KCNQ2: variants seen among roughly 807,000 people sequenced by gnomAD.
KCNQ2 encodes potassium voltage-gated channel subfamily Q member 2.
KCNQ2 carries 14 observed loss-of-function variants against 84.8 expected under a neutral mutation model. The observed-to-expected ratio is 0.17, with a 90% confidence interval of 0.11 to 0.26. The LOEUF is 0.26. Among genes scored for constraint, KCNQ2 ranks in the 10% least tolerant of loss-of-function variants. The pLI is 1.00. For synonymous variants in KCNQ2, 599 were observed against 554.1 expected (o/e 1.08, Z -1.14); for missense variants, 788 against 1,254.0 (o/e 0.63, Z 5.61).
rs935825661 is a variant in KCNQ2 at position 63,404,257 on chromosome 20, G to C, written c.*2387C>G. Reference sequence around the variant, plus strand: ...GCAGGCGGGGCCTCACCTCGGGGGAGGAAAGAGCAGGTGGGGCCATACTGG... The same window carrying C: ...GCAGGCGGGGCCTCACCTCGGGGGACGAAAGAGCAGGTGGGGCCATACTGG... On this transcript the variant is annotated 3_prime_UTR_variant, in exon 17 of 17. Transcript: ENST00000359125. 6.6e-6 allele frequency: 1 copy of C among 152,310 alleles called. No homozygotes were observed. The highest frequency in any genetic ancestry group is 1.5e-5 in the Non-Finnish European group (1 of 68,264). 9.4% of individuals were successfully genotyped at this position (152,310 alleles called of 1,614,324 possible).
chr20:63,419,565 G>A, intron 12 of KCNQ2, 54 bp downstream of exon 12: 1 of 1,546,820 alleles, frequency 6.5e-7, no homozygotes. Context: ...TAAGCAGGGA[G>A]GGGCAGAGGA....
intron 1 of KCNQ2, among the ~76,000 whole-genome samples, chr20:63,469,674 T>A (rs972657243): frequency 6.6e-6 from 1 of 152,200 alleles, no homozygotes; most frequent in African/African-American, 2.4e-5. Context: ...CACAGCTGGG[T>A]GCGGCAGCAC....
intron 5 of KCNQ2, among the ~76,000 whole-genome samples, chr20:63,441,350 G>A (rs1284134871): frequency 6.6e-6 from 1 of 151,892 alleles, no homozygotes; most frequent in Non-Finnish European, 1.5e-5. Flanking sequence ...AGACTAATCA[G>A]GTAAACCCCA....
chr20:63,415,921 A>G (rs1472668160), intron 12 of KCNQ2, among the ~76,000 whole-genome samples: 1 of 151,988 alleles, frequency 6.6e-6, no homozygotes, highest in Admixed American at 6.5e-5. Context: ...GCCAGGGGAC[A>G]ACAAGGACAT....
chr20:63,469,681 G>A (rs1451730934), intron 1 of KCNQ2, among the ~76,000 whole-genome samples: 2 of 152,260 alleles, frequency 1.3e-5, no homozygotes, highest in African/African-American at 4.8e-5. Context: ...GGGTGCGGCA[G>A]CACAAGGAGC....
rs1400191060 is a variant in KCNQ2 at position 63,402,178 on chromosome 20, T to G, written c.*4466A>C. The G allele has an allele frequency of 1.8e-5, 3 of 169,770 alleles. No individual in the cohort carries two copies. The highest frequency in any genetic ancestry group is 7.4e-5 in the African/African-American group (3 of 40,812). 10.5% of individuals were successfully genotyped at this position (169,770 alleles called of 1,614,324 possible). A position where few individuals can be genotyped will look rare whatever the true frequency, so the allele number is the denominator to read the frequency against. ...TGAGCCGTTCCTCTCACACCACGTC[T>G]GCTGGGCACCCTCCACAGCAGGTCC... On this transcript the variant is annotated 3_prime_UTR_variant, in exon 17 of 17. Transcript: ENST00000359125.
chr20:63,454,574 A>C (rs1310408868), intron 1 of KCNQ2, among the ~76,000 whole-genome samples: 1 of 152,238 alleles, frequency 6.6e-6, no homozygotes, highest in Non-Finnish European at 1.5e-5. Flanking sequence ...CTGGCCAGCC[A>C]TCCGGTCGGC....
rs2079919343 is a variant in KCNQ2 at position 63,405,954 on chromosome 20, C to G, written c.*690G>C. On this transcript the variant is annotated 3_prime_UTR_variant, in exon 17 of 17. Coordinates refer to ENST00000359125, the MANE Select transcript of KCNQ2 (RefSeq NM_172107.4). ...TCCACTCTGGCTCCAGTTTGGTTCC[C>G]AGGCCCCACCCGCTCCTCGGCTGCA... The G allele has an allele frequency of 3.9e-5, 6 of 152,446 alleles. No homozygotes were observed. In the South Asian group the frequency reaches 1.2e-3, roughly 32 times the overall value. 9.4% of individuals were successfully genotyped at this position (152,446 alleles called of 1,614,324 possible).
intron 11 of KCNQ2, 190 bp downstream of exon 11, chr20:63,423,987 G>C: frequency 1.5e-6 from 1 of 649,180 alleles, no homozygotes; most frequent in Non-Finnish European, 2.8e-6. Context: ...TGGGGAGGGG[G>C]TGAGCAGGAA....
chr20:63,442,372 A>C (rs969550442), intron 5 of KCNQ2, 34 bp downstream of exon 5: 2 of 1,613,646 alleles, frequency 1.2e-6, no homozygotes. Flanking sequence ...GTGTATCAGC[A>C]GGGAAAGGGA....
At chr20:63,451,798 A>C (rs940748252) in intron 1 of KCNQ2, among the ~76,000 whole-genome samples, 1 of 151,956 alleles carries the variant, frequency 6.6e-6, no homozygotes, top group African/African-American at 2.4e-5. Flanking sequence ...GGAGACCCCC[A>C]AGTCCAGGCA....
At position 63,414,825 on chromosome 20, in the gene KCNQ2, A is replaced by T. The variant is rs2080233305; in HGVS notation, c.1525+78T>A. 8 of 1,435,406 alleles carry T rather than the reference A, an allele frequency of 5.6e-6. No individual in the cohort carries two copies. The highest frequency in any genetic ancestry group is 7.8e-6 in the Non-Finnish European group (8 of 1,022,174). 88.9% of individuals were successfully genotyped at this position (1,435,406 alleles called of 1,614,324 possible). ...AGCAAGCAAAAGCAGCTGCGACGCC[A>T]CAGGGTGGCCACAGTAGCGTGGCCA... On this transcript the variant is annotated intron_variant, in intron 13 of 16. Coordinates refer to ENST00000359125, the MANE Select transcript of KCNQ2 (RefSeq NM_172107.4). This position sits in a 1 kb window ranked among gnomAD's most constrained non-coding sequence, Gnocchi z 6.6.
intron 4 of KCNQ2, among the ~76,000 whole-genome samples, chr20:63,443,424 TCATCACCATCAC>T (rs1346469719): frequency 1.1e-4 from 4 of 36,620 alleles, no homozygotes; most frequent in Admixed American, 4.9e-4. Flanking sequence ...ATCACCACCA[TCATCACCATCAC>T]CATCACCACC....
At position 63,428,152 on chromosome 20, in the gene KCNQ2, G is replaced by A. The variant is rs6062931; in HGVS notation, c.1217+215C>T. ...AACCTTCGCCCCTCCCTCTCTGCCC[G>A]TCCCCCGAACCAGCTGCCCCTCTGG... On this transcript the variant is annotated intron_variant, in intron 10 of 16. Transcript: ENST00000359125. Among the ~76,000 whole-genome samples the A allele has an allele frequency of 0.21, 32,271 of 152,006 alleles. 4,131 individuals are homozygous for A. Among genetic ancestry groups the A allele is most frequent in the Non-Finnish European group, 0.3 (20,376 of 67,906 alleles).
chr20:63,406,872 C>T lies in KCNQ2; in HGVS notation c.2391G>A (p.Glu797=). The change falls in exon 17 of 17, where the codon GAG becomes GAA. Residue 797 remains glutamate, a synonymous_variant. Transcript: ENST00000359125. ...SISIPSVDHE[E]LERSFSGFSI... is the part of the protein sequence containing the mutation. ...TGAAGCCGCTGAAGGAACGCTCCAG[C>T]TCCTCGTGGTCCACGGACGGGATGG... 6.2e-7 allele frequency: 1 copy of T among 1,612,252 alleles called. No homozygotes were observed. Among genetic ancestry groups the T allele is most frequent in the Non-Finnish European group, 8.5e-7 (1 of 1,179,758 alleles).
Position 63,404,129 on chromosome 20 carries a change from G to C in KCNQ2, c.*2515C>G, listed in dbSNP as rs569962817. On this transcript the variant is annotated 3_prime_UTR_variant, in exon 17 of 17. Coordinates refer to ENST00000359125, the MANE Select transcript of KCNQ2 (RefSeq NM_172107.4). Reference sequence around the variant, plus strand: ...CTGGCCTCAGTCCCTCCTGCTGGGCGGCCAGCTTCTGGGAGGGAAGGGATT... The same window carrying C: ...CTGGCCTCAGTCCCTCCTGCTGGGCCGCCAGCTTCTGGGAGGGAAGGGATT... The C allele has an allele frequency of 6.6e-6, 1 of 152,314 alleles. No homozygotes were observed. Among genetic ancestry groups the C allele is most frequent in the African/African-American group, 2.4e-5 (1 of 41,450 alleles). The allele number at this position is 152,314 out of a possible 1,614,324, so 9.4% of individuals were successfully genotyped here.
Position 63,438,267 on chromosome 20 carries a change from GCACTGACT to G in KCNQ2, c.1023+350_1023+357del. On this transcript the variant is annotated intron_variant, in intron 7 of 16. Coordinates refer to ENST00000359125, the MANE Select transcript of KCNQ2 (RefSeq NM_172107.4). This position sits in a 1 kb window ranked among gnomAD's most constrained non-coding sequence, Gnocchi z 5.1. Reference sequence around the variant, plus strand: ...AGCATCAGGGGTCAGACGAGGTCAGGCACTGACTCACTGCAGTGTGTGGGCTCTAGGAG... The same window carrying G: ...AGCATCAGGGGTCAGACGAGGTCAGGCACTGCAGTGTGTGGGCTCTAGGAG... The G allele has an allele frequency of 2.5e-6, 1 of 398,648 alleles. No individual in the cohort carries two copies. Among genetic ancestry groups the G allele is most frequent in the South Asian group, 2.4e-5 (1 of 42,322 alleles). 24.7% of individuals were successfully genotyped at this position (398,648 alleles called of 1,614,324 possible).
intron 10 of KCNQ2, among the ~76,000 whole-genome samples, chr20:63,427,653 T>A (rs1205676460): frequency 6.6e-6 from 1 of 152,218 alleles, no homozygotes; most frequent in Non-Finnish European, 1.5e-5. Flanking sequence ...TCTCTCTCCA[T>A]CCTAGCTGGC....
chr20:63,410,934 C>G (rs1283381296), intron 15 of KCNQ2: 1 of 444,580 alleles, frequency 2.2e-6, no homozygotes, highest in Non-Finnish European at 4.5e-6. Flanking sequence ...TCAGACTTGC[C>G]AGAAGACAGG....
Sources: allele counts gnomAD v4.1 joint callset (sites outside exome capture counted in the v4.1 genomes callset), GRCh38; gene constraint gnomAD v4.1.1; non-coding constraint Gnocchi (gnomAD v3.1); transcripts MANE v1.5; gene names NCBI Gene and HGNC (gene_info 2026-07-23, HGNC 2026-07-21).